The following CERS6 variants were observed in gnomAD, a reference collection of about 807,000 sequenced individuals.
The protein encoded by CERS6 is LAG1 homolog, ceramide synthase 6.
CERS6 carries 26 observed loss-of-function variants against 56.8 expected under a neutral mutation model. The observed-to-expected ratio is 0.46, with a 90% CI of 0.34 to 0.63. The LOEUF (loss-of-function observed/expected upper bound fraction) is 0.63, where lower values mean the gene tolerates loss of function less well. Ranked by LOEUF, CERS6 falls within the 30% of genes least tolerant of loss-of-function variation. The pLI, the probability that CERS6 is intolerant of heterozygous loss-of-function variation, is 0.01. For missense variants in CERS6, 415 were observed against 467.5 expected (o/e 0.89, Z 1.04); for synonymous variants, 164 against 173.3 (o/e 0.95, Z 0.42).
chr2:168,520,047 A>C (rs1248419516), intron 1 of CERS6, among the ~76,000 whole-genome samples: 1 of 152,210 alleles, frequency 6.6e-6, no homozygotes, highest in East Asian at 1.9e-4. Flanking sequence ...ATCCCCAGCT[A>C]TAGTGTATAA....
chr2:168,525,119 G>A (rs961751601), intron 1 of CERS6, among the ~76,000 whole-genome samples: 3 of 152,192 alleles, frequency 2.0e-5, no homozygotes, highest in Non-Finnish European at 2.9e-5. Context: ...GCCCACAGGT[G>A]CAGTGTGGGC....
chr2:168,698,570 G>A (rs540589226), intron 6 of CERS6, among the ~76,000 whole-genome samples: 11 of 152,206 alleles, frequency 7.2e-5, no homozygotes, highest in Admixed American at 2.0e-4. Context: ...ATGAGAAACC[G>A]CACCCAGGAT....
At chr2:168,624,928 G>C (rs1684557059) in intron 3 of CERS6, among the ~76,000 whole-genome samples, 1 of 152,132 alleles carries the variant, frequency 6.6e-6, no homozygotes, top group African/African-American at 2.4e-5. Context: ...AGTAACACTA[G>C]ATTGAAGTCT....
At chr2:168,466,065 T>C (rs997326631) in intron 1 of CERS6, among the ~76,000 whole-genome samples, 2 of 151,846 alleles carry the variant, frequency 1.3e-5, no homozygotes, top group Non-Finnish European at 2.9e-5. Context: ...GCGCCTCTTC[T>C]TTCCAGAATC....
At chr2:168,765,108 A>AT (rs1250664150) in intron 8 of CERS6, among the ~76,000 whole-genome samples, 1 of 152,242 alleles carries the variant, frequency 6.6e-6, no homozygotes, top group Non-Finnish European at 1.5e-5. Context: ...AAAAGGACAA[A>AT]TACTATATGA....
At chr2:168,483,629 T>C (rs1231202729) in intron 1 of CERS6, among the ~76,000 whole-genome samples, 1 of 152,214 alleles carries the variant, frequency 6.6e-6, no homozygotes, top group Admixed American at 6.5e-5. Flanking sequence ...TGTTCTAATA[T>C]TATGAGCACG....
rs529854883 is a variant in CERS6 at position 168,691,072 on chromosome 2, C to G, written c.504C>G (p.Asn168Lys). The G allele has an allele frequency of 1.6e-5, 26 of 1,613,168 alleles. No individual in the cohort carries two copies. In the South Asian group the frequency reaches 2.5e-4, roughly 16 times the overall value. ...WLWNTRHCWY[N>K]YPYQPLTTDL... is the part of the protein sequence containing the mutation. ...GGAATACGAGGCATTGCTGGTACAACTACCCCTATCAGGTAAGGAGGCATT... is the reference window on the plus strand; with the variant it reads ...GGAATACGAGGCATTGCTGGTACAAGTACCCCTATCAGGTAAGGAGGCATT... Residue 168 changes from asparagine to lysine, a missense_variant, in exon 5 of 10, where the codon AAC becomes AAG. By Grantham distance (94) the Asn-to-Lys change is moderately conservative. Transcript: ENST00000305747.
intron 4 of CERS6, among the ~76,000 whole-genome samples, chr2:168,641,713 A>G (rs1418736868): frequency 1.3e-5 from 2 of 152,180 alleles, no homozygotes; most frequent in Non-Finnish European, 2.9e-5. Context: ...AGGAATTATC[A>G]TTATTACCAT....
intron 3 of CERS6, among the ~76,000 whole-genome samples, chr2:168,596,187 C>T (rs573185533): frequency 1.3e-5 from 2 of 152,216 alleles, no homozygotes; most frequent in Non-Finnish European, 2.9e-5. Context: ...GGATCCTAGT[C>T]ATGAACCACA....
Position 168,772,989 on chromosome 2 carries a change from CTAAA to C in CERS6, c.*3329_*3332del. On this transcript the variant is annotated 3_prime_UTR_variant, in exon 10 of 10. Transcript: ENST00000305747. ...TTGGTGGAGTTTGAATTTGAGCAAA[CTAAA>C]TGCCTTCATCTTAGGTAGAAAGGGC... is the stretch of plus-strand genomic sequence containing the variant. The C allele has an allele frequency of 6.6e-6, 1 of 152,376 alleles. No individual in the cohort carries two copies. The highest frequency in any genetic ancestry group is 2.4e-5 in the African/African-American group (1 of 41,582). 9.4% of individuals were successfully genotyped at this position (152,376 alleles called of 1,614,324 possible). A position where few individuals can be genotyped will look rare whatever the true frequency, so the allele number is the denominator to read the frequency against.
At chr2:168,659,023 A>C (rs114950158) in intron 4 of CERS6, among the ~76,000 whole-genome samples, 2,767 of 152,338 alleles carry the variant, frequency 0.018, 86 homozygotes, top group African/African-American at 0.063. Context: ...CTTTGTGAGG[A>C]CTTCTAGGAG....
chr2:168,674,816 C>CT (rs1025249441), intron 4 of CERS6, among the ~76,000 whole-genome samples: 27 of 152,088 alleles, frequency 1.8e-4, no homozygotes, highest in African/African-American at 6.3e-4. Context: ...GGTTCTCAGA[C>CT]TTTTTGGTAT....
intron 8 of CERS6, among the ~76,000 whole-genome samples, chr2:168,733,021 A>G (rs928554624): frequency 2.6e-5 from 4 of 152,222 alleles, no homozygotes; most frequent in Admixed American, 6.5e-5. Flanking sequence ...TCTACATCAG[A>G]TAAGTATCAC....
intron 4 of CERS6, among the ~76,000 whole-genome samples, chr2:168,681,299 T>C (rs1056511427): frequency 3.3e-5 from 5 of 152,226 alleles, no homozygotes; most frequent in Non-Finnish European, 7.3e-5. Context: ...ATTGGGAATT[T>C]AGAATTATTA....
chr2:168,681,566 A>G (rs568927979), intron 4 of CERS6, among the ~76,000 whole-genome samples: 8 of 152,324 alleles, frequency 5.3e-5, no homozygotes, highest in African/African-American at 1.4e-4. Context: ...CAGTACATGT[A>G]TATAATGCAT....
At chr2:168,503,443 A>G (rs1159438378) in intron 1 of CERS6, among the ~76,000 whole-genome samples, 1 of 152,216 alleles carries the variant, frequency 6.6e-6, no homozygotes, top group Non-Finnish European at 1.5e-5. Context: ...GAAGAAAAGT[A>G]TCTCCTAGCA....
intron 1 of CERS6, among the ~76,000 whole-genome samples, chr2:168,518,752 A>G (rs1694926585): frequency 6.6e-6 from 1 of 152,142 alleles, no homozygotes; most frequent in African/African-American, 2.4e-5. Flanking sequence ...GCTGTCACTA[A>G]TACTGACACA....
intron 4 of CERS6, among the ~76,000 whole-genome samples, chr2:168,663,729 C>G (rs890932906): frequency 6.6e-6 from 1 of 152,066 alleles, no homozygotes; most frequent in East Asian, 1.9e-4. Flanking sequence ...TTATGTAGAT[C>G]CACCGTAGGT....
intron 1 of CERS6, among the ~76,000 whole-genome samples, chr2:168,468,238 G>T (rs1004605217): frequency 6.6e-6 from 1 of 152,140 alleles, no homozygotes; most frequent in African/African-American, 2.4e-5. Flanking sequence ...TCTCCCTCTG[G>T]GTGGAGTTTT....
Sources: allele counts gnomAD v4.1 joint callset (sites outside exome capture counted in the v4.1 genomes callset), GRCh38; gene constraint gnomAD v4.1.1; transcripts MANE v1.5; gene names NCBI Gene and HGNC (gene_info 2026-07-23, HGNC 2026-07-21).